The following CAPN8 variants were observed in gnomAD, a reference collection of about 807,000 sequenced individuals.
The protein encoded by CAPN8 is calpain-8.
In CAPN8, 87 loss-of-function variants were observed where a neutral mutation model predicts 80.9. The observed-to-expected ratio is 1.07, with a 90% CI of 0.90 to 1.28. CAPN8 has a LOEUF of 1.28. Among genes scored for constraint, CAPN8 ranks in the 50% most tolerant of loss-of-function variants. CAPN8 has a pLI of 0.00. For synonymous variants in CAPN8, 299 were observed against 273.8 expected (o/e 1.09, Z -0.91); for missense variants, 757 against 702.0 (o/e 1.08, Z -0.89).
At position 223,541,652 on chromosome 1, in the gene CAPN8, A is replaced by G; in HGVS notation, c.*184T>C. The G allele has an allele frequency of 1.2e-6, 1 of 803,392 alleles. No individual in the cohort carries two copies. The highest frequency in any genetic ancestry group is 2.0e-6 in the Non-Finnish European group (1 of 492,266). The allele number at this position is 803,392 out of a possible 1,614,324, so 49.8% of individuals were successfully genotyped here. A position where few individuals can be genotyped will look rare whatever the true frequency, so the allele number is the denominator to read the frequency against. On this transcript the variant is annotated 3_prime_UTR_variant, in exon 21 of 21. Transcript: ENST00000366872. ...AACTTTAATTGATTGCTTTCCCTCC[A>G]CTGGGCCCACCGGGTCGGCTTACAT...
intron 7 of CAPN8, among the ~76,000 whole-genome samples, chr1:223,622,379 G>A (rs1035116577): frequency 7.9e-5 from 12 of 152,216 alleles, no homozygotes; most frequent in African/African-American, 1.9e-4. Flanking sequence ...GCCAGGGCCC[G>A]GGGCTCCTAG....
At chr1:223,641,366 T>TTA (rs1553338764) in intron 2 of CAPN8, among the ~76,000 whole-genome samples, 5,700 of 146,032 alleles carry the variant, frequency 0.039, 178 homozygotes, top group Middle Eastern at 0.084. Context: ...AGCCTTTTTT[T>TTA]AAAAAAAAAA....
intron 16 of CAPN8, among the ~76,000 whole-genome samples, chr1:223,547,439 T>C (rs1322022198): frequency 6.6e-6 from 1 of 152,158 alleles, no homozygotes. Flanking sequence ...AAATTAGTGG[T>C]TGCCTAGGGA....
At chr1:223,653,122 A>C (rs1658384869) in intron 2 of CAPN8, among the ~76,000 whole-genome samples, 1 of 151,010 alleles carries the variant, frequency 6.6e-6, no homozygotes, top group African/African-American at 2.4e-5. Context: ...TGGAAGTAAA[A>C]AGGCACCACA....
intron 2 of CAPN8, among the ~76,000 whole-genome samples, chr1:223,632,490 A>G (rs61825217): frequency 0.6 from 91,556 of 151,850 alleles, 27,972 homozygotes; most frequent in African/African-American, 0.71. Flanking sequence ...CTCCCACCTC[A>G]GCCTCCCAAA....
At chr1:223,542,002 G>A (rs1656478246) in intron 20 of CAPN8, 143 bp from the exon 21 acceptor site, 8 of 1,370,032 alleles carry the variant, frequency 5.8e-6, no homozygotes, top group African/African-American at 1.4e-5. Context: ...GGGAAGCAAG[G>A]AAGGCTTTCA....
intron 9 of CAPN8, among the ~76,000 whole-genome samples, chr1:223,618,485 A>G (rs1245563444): frequency 6.6e-6 from 1 of 152,178 alleles, no homozygotes; most frequent in South Asian, 2.1e-4. Flanking sequence ...TCAGGCACAA[A>G]CACACAGTGA....
At chr1:223,543,220 A>G in intron 19 of CAPN8, 54 bp from the exon 20 acceptor site, 2 of 1,543,950 alleles carry the variant, frequency 1.3e-6, no homozygotes, top group Non-Finnish European at 8.8e-7. Flanking sequence ...TGGACTTTGG[A>G]ACAATCAGAG....
Position 223,665,551 on chromosome 1 carries a change from G to C in CAPN8, c.96C>G (p.Phe32Leu), listed in dbSNP as rs1168745910. 1 of 1,551,722 alleles carries C rather than the reference G, an allele frequency of 6.4e-7. No individual in the cohort carries two copies. Among genetic ancestry groups the C allele is most frequent in the South Asian group, 1.2e-5 (1 of 84,054 alleles). ...CCAAGCACTGTTGCCTCAGGGTCTT[G>C]AAATCCTGGCCCAAGTACTTCAAAG... The part of the protein sequence containing the change: ...QNALKYLGQD[F>L]KTLRQQCLDS... The change falls in exon 1 of 21, where the codon TTC becomes TTG. Residue 32 changes from phenylalanine to leucine, a missense_variant. By Grantham distance (22) the Phe-to-Leu change is conservative (BLOSUM62 0). Coordinates refer to ENST00000366872, the MANE Select transcript of CAPN8 (RefSeq NM_001143962.2).
chr1:223,551,146 G>C, intron 14 of CAPN8, 129 bp from the exon 15 acceptor site: 1 of 594,642 alleles, frequency 1.7e-6, no homozygotes, highest in Non-Finnish European at 3.0e-6. Context: ...ATTTGTTTTT[G>C]TTTTTTGTTT....
intron 7 of CAPN8, among the ~76,000 whole-genome samples, chr1:223,620,841 T>G (rs1657366292): frequency 6.6e-6 from 1 of 152,182 alleles, no homozygotes; most frequent in Non-Finnish European, 1.5e-5. Flanking sequence ...GCTGGTGGCC[T>G]TTCAAGGGCA....
intron 2 of CAPN8, among the ~76,000 whole-genome samples, chr1:223,631,069 A>G (rs185101799): frequency 5.5e-4 from 84 of 152,120 alleles, no homozygotes; most frequent in Admixed American, 2.8e-3. Context: ...TCTTTTTCCT[A>G]TTACACTCTC....
intron 2 of CAPN8, chr1:223,628,984 T>A: frequency 1.8e-6 from 1 of 556,792 alleles, no homozygotes; most frequent in Non-Finnish European, 3.2e-6. Flanking sequence ...CGGGAGTGGA[T>A]CCTCTGCTCC....
At chr1:223,641,367 A>T (rs5781342) in intron 2 of CAPN8, among the ~76,000 whole-genome samples, 43,689 of 96,050 alleles carry the variant, frequency 0.45, 6,317 homozygotes, top group South Asian at 0.5. Flanking sequence ...GCCTTTTTTT[A>T]AAAAAAAAAA....
chr1:223,656,598 TTTC>T, intron 1 of CAPN8, among the ~76,000 whole-genome samples: 1 of 152,064 alleles, frequency 6.6e-6, no homozygotes, highest in South Asian at 2.1e-4. Flanking sequence ...ACTGGTAGCA[TTTC>T]TTAAGTGTCC....
At chr1:223,654,487 C>G in intron 1 of CAPN8, 88 bp from the exon 2 acceptor site, 1 of 1,217,162 alleles carries the variant, frequency 8.2e-7, no homozygotes, top group Non-Finnish European at 1.2e-6. Context: ...TCCCAGGTTG[C>G]AGAGCTGGAA....
Position 223,665,417 on chromosome 1 carries a change from C to G in CAPN8, c.230G>C (p.Arg77Pro). 1 of 1,550,834 alleles carries G rather than the reference C, an allele frequency of 6.4e-7. No individual in the cohort carries two copies. Among genetic ancestry groups the G allele is most frequent in the Non-Finnish European group, 8.7e-7 (1 of 1,145,998 alleles). Residue 77 changes from arginine to proline, a missense_variant, in exon 1 of 21, where the codon CGG (arginine) becomes CCG (proline). Coordinates refer to ENST00000366872, the MANE Select transcript of CAPN8 (RefSeq NM_001143962.2). ...SPQTQGIIWK[R>P]PTELCPSPQF... is the part of the protein sequence containing the mutation. ...GCAAGCCCGCTTCCTTACCGTGGGCCGCTTCCAGATGATGCCTTGAGTTTG... is the reference window on the plus strand; with the variant it reads ...GCAAGCCCGCTTCCTTACCGTGGGCGGCTTCCAGATGATGCCTTGAGTTTG...
chr1:223,621,030 A>G (rs541953994), intron 7 of CAPN8, among the ~76,000 whole-genome samples: 5 of 151,596 alleles, frequency 3.3e-5, no homozygotes, highest in South Asian at 2.1e-4. Flanking sequence ...TCTCCCCAGC[A>G]TAAGAGCTGG....
intron 2 of CAPN8, among the ~76,000 whole-genome samples, chr1:223,630,260 CTTTT>C (rs1358943644): frequency 6.6e-6 from 1 of 151,704 alleles, no homozygotes. Context: ...CTCTCCCTCT[CTTTT>C]TGTCTGTCTG....
Sources: gnomAD v4.1 joint callset for allele counts (sites outside exome capture counted in the v4.1 genomes callset) on GRCh38, gnomAD v4.1.1 for gene constraint, MANE v1.5 for transcripts, NCBI Gene and HGNC (gene_info 2026-07-23, HGNC 2026-07-21) for gene names.